Variants in ZNF714 observed in about 807,000 individuals in gnomAD.
ZNF714 encodes zinc finger protein 714.
In ZNF714, 32 loss-of-function variants were observed where a neutral mutation model predicts 46.2. The ratio of observed to expected loss-of-function variants is 0.69; its 90% confidence interval spans 0.52 to 0.93. The LOEUF (loss-of-function observed/expected upper bound fraction) is 0.93, where lower values mean the gene tolerates loss of function less well. ZNF714 is among the 40% of genes least tolerant of loss of function. The probability of loss-of-function intolerance (pLI) is 0.00; values close to 1 mark genes in which losing one functional copy is unlikely to be tolerated. For synonymous variants in ZNF714, 199 were observed against 213.1 expected, an observed-to-expected ratio of 0.93 and a Z score of 0.58; for missense variants, 635 against 646.3, an observed-to-expected ratio of 0.98 and a Z score of 0.19.
Position 21,116,787 on chromosome 19 carries a change from G to A in ZNF714, c.143-20G>A, listed in dbSNP as rs374552036. On this transcript the variant is annotated intron_variant, in intron 4 of 4. Coordinates refer to ENST00000456283, the MANE Select transcript of ZNF714 (RefSeq NM_182515.4). ...CAGAGTCTAGTAAGTTGAATAATTT[G>A]TTGTTTGTATTTCTTTCAGCTATGT... 2.1e-5 allele frequency: 33 copies of A among 1,561,976 alleles called. No individual in the cohort carries two copies. Among genetic ancestry groups the A allele is most frequent in the Non-Finnish European group, 2.8e-5 (33 of 1,160,638 alleles).
At position 21,117,760 on chromosome 19, in the gene ZNF714, G is replaced by C; in HGVS notation, c.1096G>C (p.Glu366Gln). The C allele has an allele frequency of 3.1e-6, 5 of 1,613,836 alleles. No individual in the cohort carries two copies. Among genetic ancestry groups the C allele is most frequent in the Non-Finnish European group, 3.4e-6 (4 of 1,180,016 alleles). Residue 366 changes from glutamate (E) to glutamine (Q), a missense_variant, in exon 5 of 5, where the codon GAG becomes CAG. Physicochemically the swap from Glu to Gln is conservative, Grantham distance 29. Coordinates refer to ENST00000456283, the MANE Select transcript of ZNF714 (RefSeq NM_182515.4). The part of the protein sequence containing the change: ...LTTHKMIHTG[E>Q]KPYKCEECGK... ...TACACATAAGATGATTCATACTGGAGAGAAACCCTACAAATGTGAAGAATG... is the reference window on the plus strand; with the variant it reads ...TACACATAAGATGATTCATACTGGACAGAAACCCTACAAATGTGAAGAATG...
intron 4 of ZNF714, among the ~76,000 whole-genome samples, chr19:21,116,400 C>G (rs963126185): frequency 1.3e-5 from 2 of 151,868 alleles, no homozygotes; most frequent in African/African-American, 4.8e-5. Flanking sequence ...CTGGAAAGGC[C>G]CCTAGAAGCA....
chr19:21,121,855 T>A lies in ZNF714; in HGVS notation c.*3523T>A, dbSNP rs1183690796. ...ATGCTAGACCCATACTTTTTTTGTT[T>A]CTTACATTTTTTTTGTTTTATGGTT... On this transcript the variant is annotated 3_prime_UTR_variant, in exon 5 of 5. Coordinates refer to ENST00000456283, the MANE Select transcript of ZNF714 (RefSeq NM_182515.4). 1.3e-5 allele frequency: 2 copies of A among 152,310 alleles called. No homozygotes were observed. Among genetic ancestry groups the A allele is most frequent in the East Asian group, 3.9e-4 (2 of 5,192 alleles). 9.4% of individuals were successfully genotyped at this position (152,310 alleles called of 1,614,324 possible).
intron 4 of ZNF714, among the ~76,000 whole-genome samples, chr19:21,101,848 C>T (rs1437925002): frequency 6.6e-6 from 1 of 152,170 alleles, no homozygotes; most frequent in Non-Finnish European, 1.5e-5. Flanking sequence ...GTAGCCAAAA[C>T]CAGGGGTCCT....
chr19:21,093,936 A>T (rs1003833847), intron 2 of ZNF714, among the ~76,000 whole-genome samples: 5 of 151,986 alleles, frequency 3.3e-5, no homozygotes, highest in African/African-American at 1.2e-4. Flanking sequence ...ACCTGACCAT[A>T]CCTTATTATT....
Position 21,121,502 on chromosome 19 carries a change from A to C in ZNF714, c.*3170A>C, listed in dbSNP as rs1485805579. 2 of 152,188 alleles carry C rather than the reference A, an allele frequency of 1.3e-5. No homozygotes were observed. The highest frequency in any genetic ancestry group is 2.1e-4 in the South Asian group (1 of 4,828). The allele number at this position is 152,188 out of a possible 1,614,324, so 9.4% of individuals were successfully genotyped here. On this transcript the variant is annotated 3_prime_UTR_variant, in exon 5 of 5. Transcript: ENST00000456283. ...CAAATTGTTATATATTTTTCTTTGA[A>C]CATGTGGCCTGTCTGCCTGCAAACA... is the stretch of plus-strand genomic sequence containing the variant.
At chr19:21,111,506 G>A (rs2144868093) in intron 4 of ZNF714, among the ~76,000 whole-genome samples, 1 of 152,186 alleles carries the variant, frequency 6.6e-6, no homozygotes, top group South Asian at 2.1e-4. Flanking sequence ...GGATCATGCT[G>A]TCTGCAAACA....
At chr19:21,083,925 T>A in intron 1 of ZNF714, 53 bp from the exon 2 acceptor site, 1 of 996,818 alleles carries the variant, frequency 1.0e-6, no homozygotes, top group South Asian at 1.5e-5. Context: ...ACCATGGTTA[T>A]GTCAGCTAAA....
chr19:21,087,238 A>AC (rs1426403743), intron 2 of ZNF714, among the ~76,000 whole-genome samples: 1 of 151,788 alleles, frequency 6.6e-6, no homozygotes, highest in Admixed American at 6.6e-5. Flanking sequence ...AAAAAAAAAA[A>AC]AAAAAAAACA....
chr19:21,121,291 C>T lies in ZNF714; in HGVS notation c.*2959C>T, dbSNP rs1308074844. Reference sequence around the variant, plus strand: ...CGTGATCTGGTCTCGATCTCCTGACCTCATGATCTGCCTGCCTTGACCTCC... The same window carrying T: ...CGTGATCTGGTCTCGATCTCCTGACTTCATGATCTGCCTGCCTTGACCTCC... On this transcript the variant is annotated 3_prime_UTR_variant, in exon 5 of 5. Transcript: ENST00000456283. The T allele has an allele frequency of 6.6e-6, 1 of 152,086 alleles. No individual in the cohort carries two copies. The highest frequency in any genetic ancestry group is 6.6e-5 in the Admixed American group (1 of 15,246). 9.4% of individuals were successfully genotyped at this position (152,086 alleles called of 1,614,324 possible).
chr19:21,084,870 T>C (rs1440674367), intron 2 of ZNF714, among the ~76,000 whole-genome samples: 1 of 152,082 alleles, frequency 6.6e-6, no homozygotes, highest in African/African-American at 2.4e-5. Flanking sequence ...TCTGCCCTCC[T>C]TGGCCTCCCA....
chr19:21,122,161 T>A lies in ZNF714; in HGVS notation c.*3829T>A, dbSNP rs1969714152. On this transcript the variant is annotated 3_prime_UTR_variant, in exon 5 of 5. Transcript: ENST00000456283. The stretch of plus-strand genomic sequence containing the variant: ...TGGGGGGCTTCATAAGTCATGAGGA[T>A]GTTTTTATATATAAATGTAGCAAAC... The A allele has an allele frequency of 6.6e-6, 1 of 152,210 alleles. No homozygotes were observed. The highest frequency in any genetic ancestry group is 1.5e-5 in the Non-Finnish European group (1 of 68,038). 9.4% of individuals were successfully genotyped at this position (152,210 alleles called of 1,614,324 possible). A position where few individuals can be genotyped will look rare whatever the true frequency, so the allele number is the denominator to read the frequency against.
intron 2 of ZNF714, among the ~76,000 whole-genome samples, chr19:21,089,848 T>C (rs1968867177): frequency 8.1e-6 from 1 of 123,342 alleles, no homozygotes; most frequent in African/African-American, 2.7e-5. Flanking sequence ...TTTTTTACCA[T>C]TCATTCCATC....
At chr19:21,092,617 T>C (rs1476358816) in intron 2 of ZNF714, among the ~76,000 whole-genome samples, 3 of 152,324 alleles carry the variant, frequency 2.0e-5, no homozygotes, top group African/African-American at 7.2e-5. Context: ...CAGGGATCCA[T>C]GTGCAGCTTT....
chr19:21,087,222 CAAAAAAAAA>C (rs57295093), intron 2 of ZNF714, among the ~76,000 whole-genome samples: 2 of 92,168 alleles, frequency 2.2e-5, no homozygotes, highest in African/African-American at 4.4e-5. Flanking sequence ...GCAGTCTCAG[CAAAAAAAAA>C]AAAAAAAAAA....
intron 2 of ZNF714, among the ~76,000 whole-genome samples, chr19:21,096,144 CA>C (rs1969035723): frequency 6.6e-6 from 1 of 152,104 alleles, no homozygotes. Flanking sequence ...GTGTCTGTGG[CA>C]GGGGAGGGCA....
At chr19:21,108,099 G>A (rs1969365668) in intron 4 of ZNF714, among the ~76,000 whole-genome samples, 1 of 151,912 alleles carries the variant, frequency 6.6e-6, no homozygotes, top group African/African-American at 2.4e-5. Flanking sequence ...AATTTTTTTG[G>A]TTATTTGTAG....
Position 21,123,217 on chromosome 19 carries a change from T to C in ZNF714, c.*4885T>C, listed in dbSNP as rs1969736732. 6.6e-6 allele frequency: 1 copy of C among 151,602 alleles called. No homozygotes were observed. The highest frequency in any genetic ancestry group is 6.6e-5 in the Admixed American group (1 of 15,224). 9.4% of individuals were successfully genotyped at this position (151,602 alleles called of 1,614,324 possible). On this transcript the variant is annotated 3_prime_UTR_variant, in exon 5 of 5. Coordinates refer to ENST00000456283, the MANE Select transcript of ZNF714 (RefSeq NM_182515.4). The stretch of plus-strand genomic sequence containing the variant: ...ACAGGCAAGAGGATTAAATTAGCAT[T>C]GCATTTCTTTGTTTTTAAAAGAAAA...
At chr19:21,104,906 C>T (rs1290568873) in intron 4 of ZNF714, among the ~76,000 whole-genome samples, 4 of 151,652 alleles carry the variant, frequency 2.6e-5, no homozygotes, top group East Asian at 3.9e-4. Flanking sequence ...GTGAGGTGAG[C>T]GCCCGGCCTC....
Sources: allele counts gnomAD v4.1 joint callset (sites outside exome capture counted in the v4.1 genomes callset), GRCh38; gene constraint gnomAD v4.1.1; transcripts MANE v1.5; gene names NCBI Gene and HGNC (gene_info 2026-07-23, HGNC 2026-07-21).